The following SLC1A1 variants were observed in gnomAD, a reference collection of about 807,000 sequenced individuals.
The protein encoded by SLC1A1 is solute carrier family 1 member 1.
SLC1A1 carries 43 observed loss-of-function variants against 53.3 expected under a neutral mutation model. That is an observed-to-expected ratio of 0.81 (90% CI 0.63 to 1.04). SLC1A1 has a LOEUF of 1.04. Ranked by LOEUF, SLC1A1 falls within the 50% of genes least tolerant of loss-of-function variation. SLC1A1 has a pLI of 0.00. For synonymous variants in SLC1A1, 307 were observed against 243.2 expected, an observed-to-expected ratio of 1.26 and a Z score of -2.44; for missense variants, 748 against 664.9, an observed-to-expected ratio of 1.12 and a Z score of -1.37.
chr9:4,550,364 A>T (rs527843873), intron 2 of SLC1A1, among the ~76,000 whole-genome samples: 1 of 152,168 alleles, frequency 6.6e-6, no homozygotes, highest in Non-Finnish European at 1.5e-5. Flanking sequence ...GACCTCAACC[A>T]TAGGATCAGA....
rs1411393970 is a variant in SLC1A1 at position 4,587,408 on chromosome 9, T to A, written c.*1850T>A. The A allele has an allele frequency of 6.6e-6, 1 of 152,190 alleles. No homozygotes were observed. Among genetic ancestry groups the A allele is most frequent in the Non-Finnish European group, 1.5e-5 (1 of 68,036 alleles). 9.4% of individuals were successfully genotyped at this position (152,190 alleles called of 1,614,324 possible). A position where few individuals can be genotyped will look rare whatever the true frequency, so the allele number is the denominator to read the frequency against. ...AAACCAGCCTCTTAACACACTGCTG[T>A]TAACTCATAAAAGAGAAGAGTGTTC... is the stretch of plus-strand genomic sequence containing the variant. On this transcript the variant is annotated 3_prime_UTR_variant, in exon 12 of 12. Transcript: ENST00000262352.
Position 4,559,258 on chromosome 9 carries a change from T to C in SLC1A1, c.233-2191T>C, listed in dbSNP as rs1818705525. 2.6e-5 allele frequency among the ~76,000 whole-genome samples: 4 copies of C among 152,204 alleles called. No homozygotes were observed. The South Asian group carries it at 8.3e-4, about 32-fold the overall frequency. Reference sequence around the variant, plus strand: ...ATAGAATCTATCATCAAGATTATTCTAGAATGTGACTATTGCAGTATGCCC... The same window carrying C: ...ATAGAATCTATCATCAAGATTATTCCAGAATGTGACTATTGCAGTATGCCC... On this transcript the variant is annotated intron_variant, in intron 2 of 11. Transcript: ENST00000262352.
At chr9:4,495,959 TG>T (rs1468929423) in intron 1 of SLC1A1, among the ~76,000 whole-genome samples, 1 of 152,018 alleles carries the variant, frequency 6.6e-6, no homozygotes, top group Non-Finnish European at 1.5e-5. Flanking sequence ...GAAGGGTGTT[TG>T]GGTAAAGGTA....
intron 1 of SLC1A1, among the ~76,000 whole-genome samples, chr9:4,511,103 T>C (rs1181109039): frequency 1.3e-5 from 2 of 152,200 alleles, no homozygotes; most frequent in East Asian, 3.8e-4. Flanking sequence ...ACCACATGGT[T>C]TGAAATTGAT....
intron 1 of SLC1A1, among the ~76,000 whole-genome samples, chr9:4,512,640 T>A (rs924760663): frequency 3.3e-5 from 5 of 152,182 alleles, no homozygotes; most frequent in African/African-American, 4.8e-5. Context: ...AGATATCAAG[T>A]GTAATATTGG....
chr9:4,508,818 TGGTTCG>T (rs1820894620), intron 1 of SLC1A1, among the ~76,000 whole-genome samples: 1 of 152,208 alleles, frequency 6.6e-6, no homozygotes, highest in African/African-American at 2.4e-5. Context: ...AATGCAGTCC[TGGTTCG>T]GCTCAATGCA....
At position 4,566,046 on chromosome 9, in the gene SLC1A1, G is replaced by A. The variant is rs1819455980; in HGVS notation, c.441-1G>A. 1 of 1,612,574 alleles carries A rather than the reference G, an allele frequency of 6.2e-7. No homozygotes were observed. On this transcript the variant is annotated splice_acceptor_variant, in intron 4 of 11. Transcript: ENST00000262352. LOFTEE classifies it high-confidence loss of function. Reference sequence around the variant, plus strand: ...AATACTGCCTTTTATGTCTCCAACAGGAATATGTTCCCTGAGAATCTTGTC... The same window carrying A: ...AATACTGCCTTTTATGTCTCCAACAAGAATATGTTCCCTGAGAATCTTGTC...
At chr9:4,499,976 G>A (rs550223203) in intron 1 of SLC1A1, among the ~76,000 whole-genome samples, 1 of 152,324 alleles carries the variant, frequency 6.6e-6, no homozygotes, top group Admixed American at 6.5e-5. Flanking sequence ...AGTTGTTAGA[G>A]AGCATGTATG....
chr9:4,575,083 G>A (rs971290821), intron 8 of SLC1A1, among the ~76,000 whole-genome samples: 4 of 152,162 alleles, frequency 2.6e-5, no homozygotes, highest in African/African-American at 9.7e-5. Context: ...GAGTTCTGCT[G>A]GTTTCTATTC....
At chr9:4,497,277 G>A (rs1820465282) in intron 1 of SLC1A1, among the ~76,000 whole-genome samples, 1 of 152,068 alleles carries the variant, frequency 6.6e-6, no homozygotes, top group Non-Finnish European at 1.5e-5. Context: ...CTTGCCCAAG[G>A]TCGAGGGCAG....
At chr9:4,559,881 C>G (rs747991584) in intron 2 of SLC1A1, 1 of 152,138 alleles carries the variant, frequency 6.6e-6, no homozygotes, top group Admixed American at 6.5e-5. Flanking sequence ...CGTCCAAGTC[C>G]AATTGGAGAA....
intron 11 of SLC1A1, among the ~76,000 whole-genome samples, chr9:4,584,019 T>G (rs943682288): frequency 1.3e-5 from 2 of 152,174 alleles, no homozygotes; most frequent in African/African-American, 2.4e-5. Flanking sequence ...CCCACTTCTG[T>G]GCATGGATCT....
intron 1 of SLC1A1, among the ~76,000 whole-genome samples, chr9:4,511,200 A>G (rs577847655): frequency 3.3e-5 from 5 of 152,312 alleles, no homozygotes; most frequent in East Asian, 1.9e-4. Context: ...CAGACTACGT[A>G]GCTTATAAAC....
intron 10 of SLC1A1, among the ~76,000 whole-genome samples, chr9:4,577,848 C>A (rs1369686230): frequency 1.3e-5 from 2 of 152,136 alleles, no homozygotes; most frequent in African/African-American, 4.8e-5. Flanking sequence ...ATCTAGGAAA[C>A]CAGTTAGGAG....
intron 1 of SLC1A1, among the ~76,000 whole-genome samples, chr9:4,491,490 A>G (rs564925952): frequency 6.6e-6 from 1 of 152,310 alleles, no homozygotes; most frequent in East Asian, 1.9e-4. Flanking sequence ...TTTTGTATTT[A>G]AGATAATGTT....
At chr9:4,584,594 T>A (rs1052064590) in intron 11 of SLC1A1, among the ~76,000 whole-genome samples, 1 of 152,086 alleles carries the variant, frequency 6.6e-6, no homozygotes, top group African/African-American at 2.4e-5. Flanking sequence ...TTCACAAGAT[T>A]CCCCCTGCAT....
intron 1 of SLC1A1, among the ~76,000 whole-genome samples, chr9:4,503,366 T>A (rs958484654): frequency 1.3e-5 from 2 of 151,938 alleles, no homozygotes; most frequent in Non-Finnish European, 2.9e-5. Flanking sequence ...ATTGAGCAAG[T>A]ACTGATGTTA....
rs963424135 is a variant in SLC1A1 at position 4,511,565 on chromosome 9, C to T, written c.91+20795C>T. On this transcript the variant is annotated intron_variant, in intron 1 of 11. Coordinates refer to ENST00000262352, the MANE Select transcript of SLC1A1 (RefSeq NM_004170.6). ...GTTTTGCCTTAAACTCTTAAGAATT[C>T]TACACACACACACACACACACACAC... Among the ~76,000 whole-genome samples, 7 of 68,648 alleles carry T rather than the reference C, an allele frequency of 1.0e-4. 1 individual carries two copies. The highest frequency in any genetic ancestry group is 8.9e-4 in the Admixed American group (6 of 6,754). 45.0% of individuals were successfully genotyped at this position (68,648 alleles called of 152,430 possible).
chr9:4,517,304 GA>G (rs1169397364), intron 1 of SLC1A1, among the ~76,000 whole-genome samples: 3 of 152,140 alleles, frequency 2.0e-5, no homozygotes, highest in Non-Finnish European at 4.4e-5. Context: ...GGGTAGCTCT[GA>G]ACTCCTACAA....
Sources: gnomAD v4.1 joint callset for allele counts (sites outside exome capture counted in the v4.1 genomes callset) on GRCh38, gnomAD v4.1.1 for gene constraint, MANE v1.5 for transcripts, NCBI Gene and HGNC (gene_info 2026-07-23, HGNC 2026-07-21) for gene names.